The following CEMIP variants were observed in gnomAD, a reference collection of about 807,000 sequenced individuals.
CEMIP encodes cell migration-inducing and hyaluronan-binding protein.
A neutral mutation model predicts 156.9 loss-of-function variants in CEMIP; 105 were observed. The observed-to-expected ratio is 0.67, with a 90% CI of 0.57 to 0.79. CEMIP has a LOEUF of 0.79. Ranked by LOEUF, CEMIP falls within the 30% of genes least tolerant of loss-of-function variation. CEMIP has a pLI of 0.00. For synonymous variants in CEMIP, 676 were observed against 668.4 expected, an observed-to-expected ratio of 1.01 and a Z score of -0.17; for missense variants, 1,457 against 1,769.4, an observed-to-expected ratio of 0.82 and a Z score of 3.17.
At chr15:80,813,350 ATTTTT>A (rs34253400) in intron 1 of CEMIP, among the ~76,000 whole-genome samples, 1 of 129,430 alleles carries the variant, frequency 7.7e-6, no homozygotes, top group Non-Finnish European at 1.7e-5. Flanking sequence ...AGCAGTACGG[ATTTTT>A]TTTTTTTTTT....
intron 17 of CEMIP, among the ~76,000 whole-genome samples, chr15:80,923,112 T>C (rs1042702194): frequency 6.6e-6 from 1 of 151,598 alleles, no homozygotes; most frequent in African/African-American, 2.4e-5. Context: ...GCCTAGGAGA[T>C]AGGGTGGGGC....
intron 1 of CEMIP, chr15:80,841,936 G>A (rs537040269): frequency 2.6e-5 from 7 of 264,910 alleles, no homozygotes; most frequent in South Asian, 8.0e-5. Flanking sequence ...AATTCCTGGC[G>A]GGGATTACAT....
At chr15:80,810,114 CT>C (rs1896623386) in intron 1 of CEMIP, among the ~76,000 whole-genome samples, 1 of 151,928 alleles carries the variant, frequency 6.6e-6, no homozygotes, top group African/African-American at 2.4e-5. Flanking sequence ...GTGGGGGGAT[CT>C]TAAAATTCTG....
At chr15:80,853,341 G>A (rs1035749575) in intron 1 of CEMIP, among the ~76,000 whole-genome samples, 16 of 152,214 alleles carry the variant, frequency 1.1e-4, no homozygotes, top group African/African-American at 3.9e-4. Context: ...AAGCCAGGCC[G>A]CAAGAAGGGA....
intron 1 of CEMIP, among the ~76,000 whole-genome samples, chr15:80,798,066 A>G (rs1896277333): frequency 2.0e-5 from 3 of 152,350 alleles, no homozygotes; most frequent in Admixed American, 2.0e-4. Context: ...TACATGGTGC[A>G]TGTGTATATA....
At chr15:80,875,847 TG>T (rs1421002565) in intron 3 of CEMIP, among the ~76,000 whole-genome samples, 6 of 151,298 alleles carry the variant, frequency 4.0e-5, no homozygotes, top group Non-Finnish European at 8.8e-5. Flanking sequence ...GAGAGGAAAA[TG>T]TCCAGCTCCA....
At chr15:80,855,576 C>T (rs541860666) in intron 1 of CEMIP, among the ~76,000 whole-genome samples, 3 of 151,782 alleles carry the variant, frequency 2.0e-5, no homozygotes, top group South Asian at 2.1e-4. Flanking sequence ...GGCACGATCT[C>T]GGCTTACTGC....
At chr15:80,843,570 A>C (rs1286625384) in intron 1 of CEMIP, among the ~76,000 whole-genome samples, 1 of 152,214 alleles carries the variant, frequency 6.6e-6, no homozygotes, top group Non-Finnish European at 1.5e-5. Context: ...ACATCAGTCT[A>C]TATCCCCATG....
intron 16 of CEMIP, 141 bp from the exon 17 acceptor site, chr15:80,921,868 T>C (rs1900484868): frequency 2.0e-6 from 2 of 977,466 alleles, no homozygotes; most frequent in South Asian, 1.3e-5. Context: ...TGGAGGTGTG[T>C]TGGGGGTGGG....
At chr15:80,834,415 T>C (rs1305026517) in intron 1 of CEMIP, among the ~76,000 whole-genome samples, 1 of 152,218 alleles carries the variant, frequency 6.6e-6, no homozygotes, top group Non-Finnish European at 1.5e-5. Flanking sequence ...ATTTTTGTCT[T>C]TCACACTCAG....
At position 80,951,252 on chromosome 15, in the gene CEMIP, TA is replaced by T. The variant is rs896890111; in HGVS notation, c.*2334del. ...TTGAATGTCTTTGGCTCAGTTCATT[TA>T]AAAAAGATATCTATTTGAAAGTTCT... On this transcript the variant is annotated 3_prime_UTR_variant, in exon 30 of 30. Transcript: ENST00000394685. The T allele has an allele frequency of 3.9e-5, 6 of 152,676 alleles. No individual in the cohort carries two copies. The highest frequency in any genetic ancestry group is 1.2e-4 in the African/African-American group (5 of 41,462). The allele number at this position is 152,676 out of a possible 1,614,324, so 9.5% of individuals were successfully genotyped here.
chr15:80,896,143 T>C, intron 12 of CEMIP, 83 bp downstream of exon 12: 1 of 1,368,524 alleles, frequency 7.3e-7, no homozygotes, highest in Non-Finnish European at 1.0e-6. Flanking sequence ...ACAACAAATC[T>C]GTATCAGTCA....
chr15:80,833,020 A>T (rs1275580569), intron 1 of CEMIP, among the ~76,000 whole-genome samples: 3 of 152,008 alleles, frequency 2.0e-5, no homozygotes, highest in Non-Finnish European at 2.9e-5. Flanking sequence ...AGAGAGAGAG[A>T]CCCCAGTGGA....
intron 1 of CEMIP, among the ~76,000 whole-genome samples, chr15:80,835,760 G>A (rs1897258260): frequency 1.3e-5 from 2 of 152,200 alleles, no homozygotes; most frequent in Admixed American, 1.3e-4. Context: ...GGACCTTGCA[G>A]GCTGGTGCTA....
intron 24 of CEMIP, among the ~76,000 whole-genome samples, chr15:80,937,432 G>A (rs564235044): frequency 2.6e-5 from 4 of 152,294 alleles, no homozygotes; most frequent in East Asian, 3.9e-4. Context: ...CGATGAAATC[G>A]GCCCTACAAT....
intron 12 of CEMIP, among the ~76,000 whole-genome samples, chr15:80,901,399 T>C (rs935925732): frequency 6.6e-6 from 1 of 152,116 alleles, no homozygotes; most frequent in African/African-American, 2.4e-5. Flanking sequence ...TGGATTACAT[T>C]ACGTTAAAAA....
intron 1 of CEMIP, among the ~76,000 whole-genome samples, chr15:80,800,824 T>C (rs529390204): frequency 2.0e-5 from 3 of 152,362 alleles, no homozygotes; most frequent in South Asian, 4.1e-4. Flanking sequence ...TTACACCTTC[T>C]AATAACTTTC....
Position 80,888,706 on chromosome 15 carries a change from C to T in CEMIP, c.874C>T (p.Arg292Ter), listed in dbSNP as rs771721238. 5 of 1,614,014 alleles carry T rather than the reference C, an allele frequency of 3.1e-6. No individual in the cohort carries two copies. Among genetic ancestry groups the T allele is most frequent in the South Asian group, 1.1e-5 (1 of 91,080 alleles). ...VEDHIEYHGHRGSAAARVFKL... is the reference protein window; with the variant it reads ...VEDHIEYHGH Reference sequence around the variant, plus strand: ...GGGTCTCGTTTCTCTGACAGGACATCGAGGCTCTGCTGCTGCCCGGGTATT... The same window carrying T: ...GGGTCTCGTTTCTCTGACAGGACATTGAGGCTCTGCTGCTGCCCGGGTATT... The change falls in exon 9 of 30, where the codon CGA (arginine) becomes TGA (stop). Residue 292 changes from arginine to a stop codon, truncating the protein, a stop_gained. Transcript: ENST00000394685. LOFTEE classifies it high-confidence loss of function.
At chr15:80,790,759 G>A (rs191359848) in intron 1 of CEMIP, among the ~76,000 whole-genome samples, 33 of 152,284 alleles carry the variant, frequency 2.2e-4, no homozygotes, top group Non-Finnish European at 3.8e-4. Context: ...AGTTGAATTC[G>A]TTGAGAGTAA....
Sources: allele counts gnomAD v4.1 joint callset (sites outside exome capture counted in the v4.1 genomes callset), GRCh38; gene constraint gnomAD v4.1.1; transcripts MANE v1.5; gene names NCBI Gene and HGNC (gene_info 2026-07-23, HGNC 2026-07-21).